RBFOX1: variants seen among roughly 807,000 people sequenced by gnomAD.
The protein encoded by RBFOX1 is RNA binding protein fox-1 homolog 1.
RBFOX1 carries 8 observed loss-of-function variants against 57.7 expected under a neutral mutation model. The observed-to-expected ratio is 0.14, with a 90% CI of 0.08 to 0.25. The LOEUF is 0.25. Among genes scored for constraint, RBFOX1 ranks in the 10% least tolerant of loss-of-function variants. The probability of loss-of-function intolerance (pLI) is 1.00; values close to 1 mark genes in which losing one functional copy is unlikely to be tolerated. For synonymous variants in RBFOX1, 326 were observed against 222.4 expected (o/e 1.47, Z -4.15); for missense variants, 611 against 548.5 (o/e 1.11, Z -1.14).
At chr16:5,246,581 A>T (rs1207020829) in intron 1 of RBFOX1, among the ~76,000 whole-genome samples, 1 of 152,102 alleles carries the variant, frequency 6.6e-6, no homozygotes, top group South Asian at 2.1e-4. Context: ...TAAAAATGAC[A>T]TTCTGTGTCC....
At chr16:5,889,315 C>A (rs1046675403) in intron 4 of RBFOX1, among the ~76,000 whole-genome samples, 1 of 152,114 alleles carries the variant, frequency 6.6e-6, no homozygotes, top group Non-Finnish European at 1.5e-5. Context: ...AGTGAGAACA[C>A]GTGGTGTTTG....
In RBFOX1 at chr16:7,243,983, T is replaced by G. The variant is rs1400217581; in HGVS notation, c.27+191885T>G. Among the ~76,000 whole-genome samples, 3 of 151,880 alleles carry G rather than the reference T, an allele frequency of 2.0e-5. No homozygotes were observed. In the East Asian group the frequency reaches 5.8e-4, roughly 29 times the overall value. ...CAAAACTCGATAACTAACATACATT[T>G]CTTTTTTCCTGGAGAGAATGTTCAT... On this transcript the variant is annotated intron_variant, in intron 4 of 15. Coordinates refer to ENST00000550418, the MANE Select transcript of RBFOX1 (RefSeq NM_018723.4).
chr16:5,467,211 T>G (rs559010878), intron 1 of RBFOX1: 1 of 1,486,046 alleles, frequency 6.7e-7, no homozygotes, highest in East Asian at 2.5e-5. Context: ...TTTTTTTTAA[T>G]GCAGGATCTA....
At chr16:5,455,436 G>T (rs1463126173) in intron 1 of RBFOX1, among the ~76,000 whole-genome samples, 1 of 152,110 alleles carries the variant, frequency 6.6e-6, no homozygotes, top group African/African-American at 2.4e-5. Flanking sequence ...TCAAAGGAAG[G>T]TATATCACTC....
At chr16:5,940,544 T>G (rs2059258449) in intron 4 of RBFOX1, among the ~76,000 whole-genome samples, 1 of 152,200 alleles carries the variant, frequency 6.6e-6, no homozygotes, top group South Asian at 2.1e-4. Flanking sequence ...TTGTAGAATT[T>G]TAATGACAGC....
intron 4 of RBFOX1, among the ~76,000 whole-genome samples, chr16:7,271,543 T>A (rs1029957109): frequency 2.0e-5 from 3 of 152,190 alleles, no homozygotes; most frequent in Admixed American, 2.0e-4. Context: ...GATACGTGCA[T>A]GTTAGTATAA....
intron 2 of RBFOX1, among the ~76,000 whole-genome samples, chr16:6,546,917 C>G (rs1015499209): frequency 6.6e-6 from 1 of 152,162 alleles, no homozygotes; most frequent in Non-Finnish European, 1.5e-5. Context: ...ACACAGTTTT[C>G]AAACCCTTAA....
At chr16:6,818,425 G>A (rs900809705) in intron 3 of RBFOX1, among the ~76,000 whole-genome samples, 3 of 151,802 alleles carry the variant, frequency 2.0e-5, no homozygotes, top group South Asian at 4.1e-4. Flanking sequence ...ATCCATGAGT[G>A]GCCAAAAAGA....
intron 4 of RBFOX1, among the ~76,000 whole-genome samples, chr16:5,917,614 C>A (rs981823594): frequency 6.6e-6 from 1 of 152,148 alleles, no homozygotes; most frequent in Non-Finnish European, 1.5e-5. Context: ...CATGTGAGTT[C>A]TGCCTCCTTT....
intron 1 of RBFOX1, among the ~76,000 whole-genome samples, chr16:6,253,665 GTGTGTGTGCA>G (rs1233110136): frequency 8.2e-6 from 1 of 122,168 alleles, no homozygotes; most frequent in Non-Finnish European, 1.7e-5. Flanking sequence ...ATAGATGTGT[GTGTGTGTGCA>G]TGTGTGTGTG....
In RBFOX1 at chr16:7,383,705, T is replaced by G. The variant is rs1414504647; in HGVS notation, c.28-134442T>G. 2.0e-5 allele frequency among the ~76,000 whole-genome samples: 3 copies of G among 152,198 alleles called. No homozygotes were observed. The East Asian group carries it at 5.8e-4, about 29-fold the overall frequency. On this transcript the variant is annotated intron_variant, in intron 4 of 15. Transcript: ENST00000550418. Reference sequence around the variant, plus strand: ...TGCCTTAAGTTCCCATTCTGTATATTAAACGCCTATTCAAAGGGTATTCAG... The same window carrying G: ...TGCCTTAAGTTCCCATTCTGTATATGAAACGCCTATTCAAAGGGTATTCAG...
chr16:7,394,599 A>C lies in RBFOX1; in HGVS notation c.28-123548A>C, dbSNP rs143236399. On this transcript the variant is annotated intron_variant, in intron 4 of 15. Coordinates refer to ENST00000550418, the MANE Select transcript of RBFOX1 (RefSeq NM_018723.4). ...TGGGGTCCAGGGTCATAGCCTCTCT[A>C]CTGTACCTCCAACGGGTGCCACTAC... 4.2e-3 allele frequency among the ~76,000 whole-genome samples: 632 copies of C among 151,974 alleles called. 2 individuals are homozygous for C. Among genetic ancestry groups the C allele is most frequent in the Non-Finnish European group, 6.5e-3 (444 of 67,962 alleles).
chr16:6,028,002 A>C (rs953797363), intron 1 of RBFOX1, among the ~76,000 whole-genome samples: 4 of 152,164 alleles, frequency 2.6e-5, no homozygotes, highest in Admixed American at 1.3e-4. Flanking sequence ...GTGACGGAGC[A>C]GGGGATTGAG....
chr16:6,550,721 T>C (rs2096974840), intron 2 of RBFOX1, among the ~76,000 whole-genome samples: 6 of 152,264 alleles, frequency 3.9e-5, no homozygotes, highest in Admixed American at 3.9e-4. Flanking sequence ...GAAATTGTTA[T>C]ACTTCATAAA....
At chr16:5,364,830 T>C (rs1362186504) in intron 1 of RBFOX1, among the ~76,000 whole-genome samples, 3 of 152,112 alleles carry the variant, frequency 2.0e-5, no homozygotes, top group Non-Finnish European at 4.4e-5. Context: ...GCTTGGCTTG[T>C]TGACATAATT....
At chr16:7,706,762 C>G (rs10083798) in intron 14 of RBFOX1, among the ~76,000 whole-genome samples, 4,470 of 152,158 alleles carry the variant, frequency 0.029, 204 homozygotes, top group African/African-American at 0.096. Flanking sequence ...TTTCTCTGGA[C>G]CAATCAATCA....
At chr16:7,154,666 A>G (rs1210835805) in intron 4 of RBFOX1, among the ~76,000 whole-genome samples, 2 of 150,148 alleles carry the variant, frequency 1.3e-5, no homozygotes, top group Admixed American at 6.7e-5. Context: ...AGTTTGGGAA[A>G]TGGCTAGACC....
intron 4 of RBFOX1, among the ~76,000 whole-genome samples, chr16:5,948,942 T>C (rs2059460823): frequency 6.6e-6 from 1 of 152,196 alleles, no homozygotes; most frequent in Admixed American, 6.5e-5. Context: ...GTTTCAATGA[T>C]TTCGTATTAT....
intron 1 of RBFOX1, among the ~76,000 whole-genome samples, chr16:6,173,484 C>T (rs930662249): frequency 2.6e-5 from 4 of 152,090 alleles, no homozygotes; most frequent in Admixed American, 2.6e-4. Flanking sequence ...CACACACACT[C>T]CACTCACCAG....
Sources: allele counts gnomAD v4.1 joint callset (sites outside exome capture counted in the v4.1 genomes callset), GRCh38; gene constraint gnomAD v4.1.1; transcripts MANE v1.5; gene names NCBI Gene and HGNC (gene_info 2026-07-23, HGNC 2026-07-21).